The following SPTA1 variants were observed in gnomAD, a reference collection of about 807,000 sequenced individuals.
The protein encoded by SPTA1 is spectrin alpha, erythrocytic 1.
SPTA1 carries 177 observed loss-of-function variants against 324.7 expected under a neutral mutation model. The observed-to-expected ratio is 0.55, with a 90% CI of 0.48 to 0.62. The LOEUF is 0.62. Ranked by LOEUF, SPTA1 falls within the 20% of genes least tolerant of loss-of-function variation. The pLI, the probability that SPTA1 is intolerant of heterozygous loss-of-function variation, is 0.00. For synonymous variants in SPTA1, 1,195 were observed against 1,041.3 expected (o/e 1.15, Z -2.84); for missense variants, 3,162 against 2,883.6 (o/e 1.10, Z -2.21).
chr1:158,661,765 G>T lies in SPTA1; in HGVS notation c.2465-356C>A, dbSNP rs531916544. ...ATGTACAAGGAAGGAACTTCTACTT[G>T]CTAATTTCTATGGACTTCAGAAAGT... On this transcript the variant is annotated intron_variant, in intron 17 of 51. Transcript: ENST00000643759. Among the ~76,000 whole-genome samples the T allele has an allele frequency of 2.6e-5, 4 of 152,242 alleles. No individual in the cohort carries two copies. In the East Asian group the frequency reaches 7.7e-4, roughly 29 times the overall value.
At chr1:158,680,336 T>G (rs1654710388) in intron 5 of SPTA1, among the ~76,000 whole-genome samples, 1 of 152,136 alleles carries the variant, frequency 6.6e-6, no homozygotes, top group African/African-American at 2.4e-5. Flanking sequence ...GCCCATTGTG[T>G]ATTTAATTTC....
At chr1:158,651,496 T>G (rs1224022167) in intron 23 of SPTA1, 28 bp from the exon 24 acceptor site, 1 of 1,465,222 alleles carries the variant, frequency 6.8e-7, no homozygotes, top group Admixed American at 1.7e-5. Flanking sequence ...TCCAAAGCAG[T>G]GTAAATTCAT....
intron 39 of SPTA1, among the ~76,000 whole-genome samples, chr1:158,628,529 T>C (rs1008994690): frequency 6.6e-6 from 1 of 152,198 alleles, no homozygotes; most frequent in African/African-American, 2.4e-5. Context: ...AGATGGTTAC[T>C]CATTGTAAAA....
At chr1:158,639,450 A>G (rs911758784) in intron 35 of SPTA1, 132 bp downstream of exon 35, 3 of 880,630 alleles carry the variant, frequency 3.4e-6, no homozygotes, top group Non-Finnish European at 3.8e-6. Flanking sequence ...CCTAATTAAA[A>G]TGACTGCTGG....
Position 158,662,770 on chromosome 1 carries a change from C to A in SPTA1, c.2396G>T (p.Cys799Phe). 1 of 1,614,054 alleles carries A rather than the reference C, an allele frequency of 6.2e-7. No individual in the cohort carries two copies. The highest frequency in any genetic ancestry group is 8.5e-7 in the Non-Finnish European group (1 of 1,179,988). ...GGCCTCCTCATCCTCTGTGTCTCTA[C>A]AAATCAGCTGCAGATGGAGAAGGTC... The part of the protein sequence containing the change: ...LLDLLHLQLI[C>F]RDTEDEEAWI... Residue 799 changes from cysteine (C) to phenylalanine (F), a missense_variant, in exon 17 of 52, where the codon TGT becomes TTT. Coordinates refer to ENST00000643759, the MANE Select transcript of SPTA1 (RefSeq NM_003126.4).
At chr1:158,636,495 A>G (rs1557940018) in intron 37 of SPTA1, 146 bp downstream of exon 37, 1 of 955,732 alleles carries the variant, frequency 1.0e-6, no homozygotes, top group Non-Finnish European at 1.6e-6. Flanking sequence ...GTGGAAGAGA[A>G]AAGAATATTT....
chr1:158,620,990 C>T (rs780357812), intron 43 of SPTA1, among the ~76,000 whole-genome samples: 1 of 152,026 alleles, frequency 6.6e-6, no homozygotes, highest in Non-Finnish European at 1.5e-5. Flanking sequence ...AAGGCTATGT[C>T]ATTTTCCTAC....
At chr1:158,636,806 A>C (rs1223926876) in intron 36 of SPTA1, 45 bp from the exon 37 acceptor site, 1 of 1,612,212 alleles carries the variant, frequency 6.2e-7, no homozygotes, top group Admixed American at 1.7e-5. Flanking sequence ...CTAGACATCT[A>C]ATGTCATCCT....
chr1:158,626,731 G>T, intron 41 of SPTA1, 108 bp downstream of exon 41: 3 of 1,434,256 alleles, frequency 2.1e-6, no homozygotes, highest in South Asian at 2.3e-5. Context: ...GGGTAGTGAT[G>T]GAAACACCTC....
intron 33 of SPTA1, among the ~76,000 whole-genome samples, 180 bp from the exon 34 acceptor site, chr1:158,640,187 C>T (rs944203827): frequency 1.3e-5 from 2 of 151,970 alleles, no homozygotes; most frequent in African/African-American, 4.8e-5. Flanking sequence ...AGTTGTTGGA[C>T]AAAAGAGAAA....
intron 20 of SPTA1, among the ~76,000 whole-genome samples, chr1:158,654,987 T>G (rs1285658799): frequency 6.6e-6 from 1 of 152,148 alleles, no homozygotes; most frequent in East Asian, 1.9e-4. Flanking sequence ...ATACATAATT[T>G]GTCAGAAACG....
chr1:158,631,295 A>G (rs1160658238), intron 39 of SPTA1, among the ~76,000 whole-genome samples: 6 of 152,190 alleles, frequency 3.9e-5, no homozygotes, highest in Non-Finnish European at 7.4e-5. Flanking sequence ...AAACAAAATA[A>G]TGGCGTTTGC....
At position 158,643,662 on chromosome 1, in the gene SPTA1, C is replaced by T. The variant is rs1651783613; in HGVS notation, c.4339-237G>A. On this transcript the variant is annotated intron_variant, in intron 30 of 51. Transcript: ENST00000643759. ...CTAAAGAACAGACACTTCTCATGAC[C>T]ATTGTAGAGGGTGAATCCTTTATTG... 2.6e-5 allele frequency among the ~76,000 whole-genome samples: 4 copies of T among 152,224 alleles called. No homozygotes were observed. In the South Asian group the frequency reaches 6.2e-4, roughly 24 times the overall value.
In SPTA1 at chr1:158,678,514, G is replaced by C; in HGVS notation, c.699C>G (p.Pro233=). The C allele has an allele frequency of 6.2e-7, 1 of 1,613,554 alleles. No homozygotes were observed. The highest frequency in any genetic ancestry group is 8.5e-7 in the Non-Finnish European group (1 of 1,179,712). ...CCTCATTTTGCTTAGACTGAATTAA[G>C]GGTAGGTCAGGATGGTTTTCCTGTT... The part of the protein sequence containing the change: ...ECAEENHPDL[P]LIQSKQNEVN... The change falls in exon 6 of 52, where the codon CCC becomes CCG. Residue 233 remains proline (P), a synonymous_variant. Transcript: ENST00000643759.
At chr1:158,658,734 T>G (rs972950643) in intron 18 of SPTA1, among the ~76,000 whole-genome samples, 1 of 151,968 alleles carries the variant, frequency 6.6e-6, no homozygotes, top group Non-Finnish European at 1.5e-5. Flanking sequence ...AGAAAAGCTT[T>G]AAAACAGGTA....
Position 158,685,286 on chromosome 1 carries a change from T to C in SPTA1, c.86A>G (p.Gln29Arg), listed in dbSNP as rs1655091699. 6.2e-7 allele frequency: 1 copy of C among 1,613,826 alleles called. No homozygotes were observed. Among genetic ancestry groups the C allele is most frequent in the African/African-American group, 1.3e-5 (1 of 74,918 alleles). ...ACTTTGATACCGAGTCAACACTTCC[T>C]GACGCCTCTCCTGGATCTCTTCTGC... Reference protein sequence around the residue: ...ETAEEIQERRQEVLTRYQSFK... With the variant: ...ETAEEIQERRREVLTRYQSFK... The change falls in exon 2 of 52, where the codon CAG becomes CGG. Residue 29 changes from glutamine (Q) to arginine (R), a missense_variant. Gln to Arg is a conservative substitution (Grantham distance 43). Coordinates refer to ENST00000643759, the MANE Select transcript of SPTA1 (RefSeq NM_003126.4).
At position 158,669,576 on chromosome 1, in the gene SPTA1, T is replaced by G; in HGVS notation, c.1678-13A>C. 4 of 1,614,108 alleles carry G rather than the reference T, an allele frequency of 2.5e-6. No homozygotes were observed. The highest frequency in any genetic ancestry group is 3.4e-6 in the Non-Finnish European group (4 of 1,180,002). The stretch of plus-strand genomic sequence containing the variant: ...GCCGGGCTAACAGCTGCAAAAACCA[T>G]GAGTAAACTTACTGTCAGCACAACC... On this transcript the variant is annotated splice_polypyrimidine_tract_variant and intron_variant, in intron 13 of 51. Coordinates refer to ENST00000643759, the MANE Select transcript of SPTA1 (RefSeq NM_003126.4).
In SPTA1 at chr1:158,620,359, A is replaced by T. The variant is rs191322728; in HGVS notation, c.6228T>A (p.Asn2076Lys). The change falls in exon 44 of 52, where the codon AAT becomes AAA. Residue 2076 changes from asparagine (N) to lysine (K), a missense_variant. Transcript: ENST00000643759. Reference sequence around the variant, plus strand: ...GGTCTTTCTGCAGCTGCCGAATTTCATTCAGGGAGACACAGTGCACAGGCT... The same window carrying T: ...GGTCTTTCTGCAGCTGCCGAATTTCTTTCAGGGAGACACAGTGCACAGGCT... ...LSEPVHCVSL[N>K]EIRQLQKDHE... 5 of 1,614,104 alleles carry T rather than the reference A, an allele frequency of 3.1e-6. No homozygotes were observed. Among genetic ancestry groups the T allele is most frequent in the East Asian group, 4.5e-5 (2 of 44,870 alleles).
intron 48 of SPTA1, 79 bp from the exon 49 acceptor site, chr1:158,614,385 G>A: frequency 9.5e-7 from 1 of 1,049,050 alleles, no homozygotes; most frequent in Non-Finnish European, 1.5e-6. Context: ...ATGGAAGAGA[G>A]AGGAATTTTA....
Sources: allele counts gnomAD v4.1 joint callset (sites outside exome capture counted in the v4.1 genomes callset), GRCh38; gene constraint gnomAD v4.1.1; transcripts MANE v1.5; gene names NCBI Gene and HGNC (gene_info 2026-07-23, HGNC 2026-07-21).